Variants in EHD4 observed in about 807,000 individuals in gnomAD.
The protein encoded by EHD4 is EH domain-containing protein 4.
EHD4 carries 37 observed loss-of-function variants against 51.0 expected under a neutral mutation model. The observed-to-expected ratio is 0.73, with a 90% confidence interval of 0.56 to 0.95. EHD4 has a LOEUF of 0.95. Ranked by LOEUF, EHD4 falls within the 40% of genes least tolerant of loss-of-function variation. The probability of loss-of-function intolerance (pLI) is 0.00; values close to 1 mark genes in which losing one functional copy is unlikely to be tolerated. For synonymous variants in EHD4, 297 were observed against 317.3 expected, an observed-to-expected ratio of 0.94 and a Z score of 0.68; for missense variants, 632 against 733.1, an observed-to-expected ratio of 0.86 and a Z score of 1.59.
At chr15:41,909,235 C>T (rs977039870) in intron 5 of EHD4, among the ~76,000 whole-genome samples, 12 of 152,240 alleles carry the variant, frequency 7.9e-5, no homozygotes, top group East Asian at 1.9e-4. Flanking sequence ...AGTCCAGCAG[C>T]GTCCGCAGAG....
At chr15:41,968,325 T>C (rs2067973784) in intron 1 of EHD4, among the ~76,000 whole-genome samples, 1 of 152,188 alleles carries the variant, frequency 6.6e-6, no homozygotes, top group African/African-American at 2.4e-5. Flanking sequence ...TTATTAAAAA[T>C]TTTTATCATA....
chr15:41,969,267 TG>T (rs1460257364), intron 1 of EHD4, among the ~76,000 whole-genome samples: 1 of 152,082 alleles, frequency 6.6e-6, no homozygotes, highest in Non-Finnish European at 1.5e-5. Context: ...TAGTTTGGGA[TG>T]GGGCGCGGTG....
In EHD4 at chr15:41,918,808, C is replaced by T. The variant is rs113431117; in HGVS notation, c.924+402G>A. Among the ~76,000 whole-genome samples the T allele has an allele frequency of 9.7e-3, 1,472 of 152,356 alleles. 28 individuals carry two copies. Among genetic ancestry groups the T allele is most frequent in the African/African-American group, 0.033 (1,375 of 41,586 alleles). The stretch of plus-strand genomic sequence containing the variant: ...CCTCTCAGCATCCTGTTGGTCTCAC[C>T]AATGCCACCTCTTTCAGGTTTGGTT... On this transcript the variant is annotated intron_variant, in intron 4 of 5. Coordinates refer to ENST00000220325, the MANE Select transcript of EHD4 (RefSeq NM_139265.4).
rs557414609 is a variant in EHD4 at position 41,922,391 on chromosome 15, C to T, written c.512-2769G>A. Among the ~76,000 whole-genome samples the T allele has an allele frequency of 6.6e-5, 10 of 152,208 alleles. 1 individual carries two copies. In the South Asian group the frequency reaches 2.1e-3, roughly 32 times the overall value. On this transcript the variant is annotated intron_variant, in intron 3 of 5. Coordinates refer to ENST00000220325, the MANE Select transcript of EHD4 (RefSeq NM_139265.4). Reference sequence around the variant, plus strand: ...AGAGAGTGAGACCCTGTCACAAAAACAAAACAAAACAAAACAAACAAAACC... The same window carrying T: ...AGAGAGTGAGACCCTGTCACAAAAATAAAACAAAACAAAACAAACAAAACC...
intron 1 of EHD4, among the ~76,000 whole-genome samples, chr15:41,959,395 C>CAAAA (rs36120701): frequency 1.4e-4 from 9 of 66,410 alleles, no homozygotes; most frequent in East Asian, 5.0e-4. Flanking sequence ...GACTTTGTCT[C>CAAAA]AAAAAAAAAA....
At chr15:41,945,502 C>T (rs943966166) in intron 2 of EHD4, among the ~76,000 whole-genome samples, 11 of 152,112 alleles carry the variant, frequency 7.2e-5, no homozygotes, top group Non-Finnish European at 1.2e-4. Flanking sequence ...TGAGGAGCAG[C>T]AGGTGGAGGC....
chr15:41,951,779 T>G (rs143305101), intron 2 of EHD4, among the ~76,000 whole-genome samples: 16 of 152,166 alleles, frequency 1.1e-4, no homozygotes, highest in Middle Eastern at 3.4e-3. Flanking sequence ...ATCTGGAGAG[T>G]TGACCCTCTG....
intron 3 of EHD4, chr15:41,928,220 C>T (rs569813396): frequency 1.3e-3 from 195 of 152,310 alleles, no homozygotes; most frequent in African/African-American, 4.6e-3. Context: ...TATAAATCAA[C>T]AACTGCAGCA....
chr15:41,946,513 G>C (rs2067815817), intron 2 of EHD4, among the ~76,000 whole-genome samples: 1 of 152,148 alleles, frequency 6.6e-6, no homozygotes. Context: ...ACGATCTCTT[G>C]AACCCAGGAG....
intron 2 of EHD4, among the ~76,000 whole-genome samples, chr15:41,950,272 C>T (rs1171748492): frequency 1.3e-5 from 2 of 152,228 alleles, no homozygotes; most frequent in Non-Finnish European, 2.9e-5. Flanking sequence ...TGTTGTCCCC[C>T]TCCAGGTATC....
In EHD4 at chr15:41,898,591, G is replaced by C. The variant is rs1338234459; in HGVS notation, c.*2054C>G. The C allele has an allele frequency of 6.6e-6, 1 of 152,240 alleles. No homozygotes were observed. The highest frequency in any genetic ancestry group is 2.4e-5 in the African/African-American group (1 of 41,454). 9.4% of individuals were successfully genotyped at this position (152,240 alleles called of 1,614,324 possible). On this transcript the variant is annotated 3_prime_UTR_variant, in exon 6 of 6. Transcript: ENST00000220325. Reference sequence around the variant, plus strand: ...CACAGAACTGTCTGCTTAGGTTACAGCACTTTGGGAGGCCGAGGTGGGTAG... The same window carrying C: ...CACAGAACTGTCTGCTTAGGTTACACCACTTTGGGAGGCCGAGGTGGGTAG...
intron 1 of EHD4, among the ~76,000 whole-genome samples, chr15:41,971,967 CT>C (rs1258022703): frequency 1.3e-5 from 2 of 152,214 alleles, no homozygotes; most frequent in Non-Finnish European, 2.9e-5. Context: ...CTCGCGCCCC[CT>C]CTCTCCCTTG....
At chr15:41,948,267 C>T (rs558507571) in intron 2 of EHD4, among the ~76,000 whole-genome samples, 5 of 152,140 alleles carry the variant, frequency 3.3e-5, no homozygotes, top group East Asian at 1.9e-4. Flanking sequence ...AAAAAAACCA[C>T]GATGGTTTAG....
At chr15:41,954,460 T>C (rs894574698) in intron 1 of EHD4, among the ~76,000 whole-genome samples, 8 of 152,156 alleles carry the variant, frequency 5.3e-5, no homozygotes, top group Non-Finnish European at 1.0e-4. Flanking sequence ...ACTACTTCTT[T>C]GTTTCTAAAA....
Position 41,899,026 on chromosome 15 carries a change from C to A in EHD4, c.*1619G>T, listed in dbSNP as rs2067458312. 6.6e-6 allele frequency: 1 copy of A among 151,668 alleles called. No individual in the cohort carries two copies. The allele number at this position is 151,668 out of a possible 1,614,324, so 9.4% of individuals were successfully genotyped here. ...TTCTCCCAAATCAAGATTTTCTCTT[C>A]AATCTGTGCCTTTGACCCTGTCACC... On this transcript the variant is annotated 3_prime_UTR_variant, in exon 6 of 6. Transcript: ENST00000220325.
At chr15:41,929,346 T>C (rs528379724) in intron 3 of EHD4, among the ~76,000 whole-genome samples, 2 of 152,334 alleles carry the variant, frequency 1.3e-5, no homozygotes, top group African/African-American at 4.8e-5. Flanking sequence ...GAGCCACATG[T>C]CCCTGAAGGC....
chr15:41,948,026 G>A (rs945982728), intron 2 of EHD4, among the ~76,000 whole-genome samples: 3 of 152,114 alleles, frequency 2.0e-5, no homozygotes, highest in Non-Finnish European at 4.4e-5. Context: ...GGAGGCCAAG[G>A]CAGGTGGATC....
intron 1 of EHD4, among the ~76,000 whole-genome samples, chr15:41,962,493 A>G (rs1459079750): frequency 6.6e-6 from 1 of 151,790 alleles, no homozygotes; most frequent in African/African-American, 2.4e-5. Context: ...GCCTCATGTG[A>G]CAGCAGAAAA....
intron 5 of EHD4, among the ~76,000 whole-genome samples, chr15:41,903,870 G>A (rs1359987460): frequency 1.3e-5 from 2 of 152,168 alleles, no homozygotes; most frequent in African/African-American, 2.4e-5. Flanking sequence ...TGTGGCCCCT[G>A]CTCAGCTCAG....
Sources: allele counts gnomAD v4.1 joint callset (sites outside exome capture counted in the v4.1 genomes callset), GRCh38; gene constraint gnomAD v4.1.1; transcripts MANE v1.5; gene names NCBI Gene and HGNC (gene_info 2026-07-23, HGNC 2026-07-21).